Variants in FGF12 observed in about 807,000 individuals in gnomAD.
The protein encoded by FGF12 is fibroblast growth factor 12B.
FGF12 carries 14 observed loss-of-function variants against 23.6 expected under a neutral mutation model. The ratio of observed to expected loss-of-function variants is 0.59; its 90% CI spans 0.39 to 0.93. FGF12 has a LOEUF of 0.93. Ranked by LOEUF, FGF12 falls within the 40% of genes least tolerant of loss-of-function variation. The probability of loss-of-function intolerance (pLI) is 0.00; values close to 1 mark genes in which losing one functional copy is unlikely to be tolerated. For missense variants in FGF12, 175 were observed against 217.8 expected (o/e 0.80, Z 1.24); for synonymous variants, 62 against 77.3 (o/e 0.80, Z 1.04).
chr3:192,217,001 G>C (rs1219746537), intron 4 of FGF12, among the ~76,000 whole-genome samples: 1 of 152,160 alleles, frequency 6.6e-6, no homozygotes, highest in Non-Finnish European at 1.5e-5. Context: ...TGTGCAGCAA[G>C]GAAAGCATGT....
At position 192,167,763 on chromosome 3, in the gene FGF12, ATATATAAAATTTTTT is replaced by A. The variant is rs1292148412; in HGVS notation, c.427+2680_427+2694del. Among the ~76,000 whole-genome samples the A allele has an allele frequency of 7.1e-4, 23 of 32,182 alleles. 1 individual carries two copies. The highest frequency in any genetic ancestry group is 2.1e-3 in the East Asian group (3 of 1,458). 21.1% of individuals were successfully genotyped at this position (32,182 alleles called of 152,430 possible). On this transcript the variant is annotated intron_variant, in intron 5 of 5. Coordinates refer to ENST00000445105, the MANE Select transcript of FGF12 (RefSeq NM_004113.6). ...TATATATATATATATATATATATAT[ATATATAAAATTTTTT>A]TTTTTTTTTTTTTTTGAGAAAGAAT...
chr3:192,602,387 A>G (rs1714150393), intron 2 of FGF12, among the ~76,000 whole-genome samples: 1 of 152,110 alleles, frequency 6.6e-6, no homozygotes, highest in Non-Finnish European at 1.5e-5. Context: ...ATGGTCAGGG[A>G]AGCTCCTTCC....
Position 192,408,511 on chromosome 3 carries a change from C to G in FGF12, c.14-47973G>C. The G allele has an allele frequency of 3.2e-6, 4 of 1,243,100 alleles. No individual in the cohort carries two copies. The highest frequency in any genetic ancestry group is 4.0e-6 in the Non-Finnish European group (4 of 990,998). 77.0% of individuals were successfully genotyped at this position (1,243,100 alleles called of 1,614,324 possible). A position where few individuals can be genotyped will look rare whatever the true frequency, so the allele number is the denominator to read the frequency against. The stretch of plus-strand genomic sequence containing the variant: ...CCCTCTTGCGAAGTAGACGTTTGCA[C>G]CCCAAACTTGCACCCCAAGGCGATC... On this transcript the variant is annotated intron_variant, in intron 2 of 5. Coordinates refer to ENST00000445105, the MANE Select transcript of FGF12 (RefSeq NM_004113.6). The surrounding 1 kb of genome is among the most constrained non-coding windows in gnomAD (Gnocchi z 7.3).
intron 2 of FGF12, among the ~76,000 whole-genome samples, chr3:192,709,656 T>G (rs1056954584): frequency 6.6e-6 from 1 of 152,218 alleles, no homozygotes; most frequent in Non-Finnish European, 1.5e-5. Flanking sequence ...GACTCTATTA[T>G]GGTGCTGGGA....
At chr3:192,584,293 C>CG (rs1713282923) in intron 2 of FGF12, among the ~76,000 whole-genome samples, 1 of 138,494 alleles carries the variant, frequency 7.2e-6, no homozygotes, top group Non-Finnish European at 1.6e-5. Flanking sequence ...TGTTGTATGC[C>CG]GATCTTCTTC....
chr3:192,298,739 T>C (rs1172910022), intron 4 of FGF12, among the ~76,000 whole-genome samples: 1 of 151,852 alleles, frequency 6.6e-6, no homozygotes, highest in Non-Finnish European at 1.5e-5. Context: ...CAAGTCTCTG[T>C]CTCAAAGAAA....
intron 2 of FGF12, among the ~76,000 whole-genome samples, chr3:192,509,062 G>GT (rs111442568): frequency 0.012 from 1,691 of 145,390 alleles, 13 homozygotes; most frequent in East Asian, 0.03. Context: ...ATCCTGAAGG[G>GT]TTTTTTTTTT....
intron 2 of FGF12, among the ~76,000 whole-genome samples, chr3:192,705,650 A>G (rs892230710): frequency 6.6e-5 from 10 of 152,256 alleles, no homozygotes; most frequent in African/African-American, 2.4e-4. Context: ...ATAATAATAG[A>G]ATAACTTAAA....
At chr3:192,363,021 T>C (rs1718802051) in intron 2 of FGF12, among the ~76,000 whole-genome samples, 1 of 147,702 alleles carries the variant, frequency 6.8e-6, no homozygotes, top group African/African-American at 2.5e-5. Flanking sequence ...TTCTCACTCA[T>C]AAGTGGGAAT....
chr3:192,718,453 C>T (rs1048980440), intron 2 of FGF12, among the ~76,000 whole-genome samples: 1 of 152,108 alleles, frequency 6.6e-6, no homozygotes, highest in South Asian at 2.1e-4. Context: ...AAACACTTCA[C>T]AAATGCTGGT....
At chr3:192,442,012 C>T (rs1360474555) in intron 2 of FGF12, among the ~76,000 whole-genome samples, 1 of 152,092 alleles carries the variant, frequency 6.6e-6, no homozygotes, top group African/African-American at 2.4e-5. Flanking sequence ...ATTTTAGAAG[C>T]CTAATTTTGA....
At chr3:192,213,266 A>G (rs1426382582) in intron 4 of FGF12, among the ~76,000 whole-genome samples, 2 of 151,916 alleles carry the variant, frequency 1.3e-5, no homozygotes, top group Admixed American at 6.6e-5. Context: ...AGCGTCTCCA[A>G]TTCTTTTTTT....
At chr3:192,478,561 T>C (rs1723392634) in intron 2 of FGF12, among the ~76,000 whole-genome samples, 1 of 152,164 alleles carries the variant, frequency 6.6e-6, no homozygotes, top group African/African-American at 2.4e-5. Flanking sequence ...GATCATTCCC[T>C]AAGTATAACT....
intron 5 of FGF12, among the ~76,000 whole-genome samples, chr3:192,159,730 A>G (rs1323936786): frequency 6.6e-6 from 1 of 152,156 alleles, no homozygotes; most frequent in Non-Finnish European, 1.5e-5. Context: ...GTAATGTCTG[A>G]GACATGTTTG....
At chr3:192,342,506 C>G (rs1717741589) in intron 3 of FGF12, among the ~76,000 whole-genome samples, 1 of 152,106 alleles carries the variant, frequency 6.6e-6, no homozygotes, top group South Asian at 2.1e-4. Context: ...CGTGGTGGCT[C>G]ATGCCTGTAA....
chr3:192,246,724 C>A (rs1416046531), intron 4 of FGF12, among the ~76,000 whole-genome samples: 2 of 150,708 alleles, frequency 1.3e-5, no homozygotes, highest in Non-Finnish European at 2.9e-5. Flanking sequence ...ACTCAGAAGG[C>A]TGAGGCAGGA....
At chr3:192,289,001 G>A (rs576470701) in intron 4 of FGF12, among the ~76,000 whole-genome samples, 1 of 152,074 alleles carries the variant, frequency 6.6e-6, no homozygotes, top group South Asian at 2.1e-4. Flanking sequence ...TGCTACAAGA[G>A]GAAACCACTC....
At chr3:192,165,319 A>T (rs1715102760) in intron 5 of FGF12, among the ~76,000 whole-genome samples, 1 of 152,076 alleles carries the variant, frequency 6.6e-6, no homozygotes, top group South Asian at 2.1e-4. Context: ...ATTAAAAAAA[A>T]AAATCACAAA....
intron 2 of FGF12, among the ~76,000 whole-genome samples, chr3:192,655,509 CACA>C (rs1291331576): frequency 6.6e-6 from 1 of 152,168 alleles, no homozygotes; most frequent in East Asian, 1.9e-4. Flanking sequence ...CTGATGAAAT[CACA>C]ACATCACCAT....
Sources: allele counts gnomAD v4.1 joint callset (sites outside exome capture counted in the v4.1 genomes callset), GRCh38; gene constraint gnomAD v4.1.1; non-coding constraint Gnocchi (gnomAD v3.1); transcripts MANE v1.5; gene names NCBI Gene and HGNC (gene_info 2026-07-23, HGNC 2026-07-21).